The following RIF1 variants were observed in gnomAD, a reference collection of about 807,000 sequenced individuals.
RIF1 encodes the protein replication timing regulatory factor 1, also known as telomere-associated protein RIF1.
Under a neutral mutation model 247.1 loss-of-function variants are expected in RIF1, and 45 were observed. The ratio of observed to expected loss-of-function variants is 0.18; its 90% confidence interval spans 0.14 to 0.23. The LOEUF is 0.23. Among genes scored for constraint, RIF1 ranks in the 10% least tolerant of loss-of-function variants. The pLI, the probability that RIF1 is intolerant of heterozygous loss-of-function variation, is 1.00. For missense variants in RIF1, 2,967 were observed against 2,862.5 expected, an observed-to-expected ratio of 1.04 and a Z score of -0.83; for synonymous variants, 1,087 against 978.8, an observed-to-expected ratio of 1.11 and a Z score of -2.06.
chr2:151,510,243 T>A (rs2073067594), downstream of RIF1, among the ~76,000 whole-genome samples: 1 of 152,088 alleles, frequency 6.6e-6, no homozygotes, highest in Non-Finnish European at 1.5e-5. Flanking sequence ...CCTGGGGAGT[T>A]TTTTTTAGAC....
At chr2:151,530,195 T>A in the RIF1 span, among the ~76,000 whole-genome samples, 1 of 152,176 alleles carries the variant, frequency 6.6e-6, no homozygotes, top group Non-Finnish European at 1.5e-5. Flanking sequence ...TTCTGCCTTT[T>A]AAAAATATAT....
chr2:151,519,213 C>T, the RIF1 span: 1 of 663,102 alleles, frequency 1.5e-6, no homozygotes, highest in South Asian at 1.7e-5. Flanking sequence ...AGCCAGAAGG[C>T]AGAAACAACC....
At chr2:151,435,767 G>T (rs370169173) in intron 11 of RIF1, among the ~76,000 whole-genome samples, 187 bp downstream of exon 11, 4,765 of 140,346 alleles carry the variant, frequency 0.034, 158 homozygotes, top group East Asian at 0.19. Flanking sequence ...TCTGTTTTTT[G>T]TTTTTTTTTT....
At chr2:151,508,088 C>T, downstream of RIF1, 5 of 1,607,798 alleles carry the variant, frequency 3.1e-6, no homozygotes, top group Non-Finnish European at 4.2e-6. Context: ...ATGGACTTCT[C>T]AGCATCTTCC....
At position 151,469,843 on chromosome 2, in the gene RIF1, C is replaced by T. The variant is rs775625480; in HGVS notation, c.7074C>T (p.Leu2358=). The change falls in exon 34 of 36, where the codon CTC becomes CTT. Residue 2358 remains leucine, a synonymous_variant. Coordinates refer to ENST00000444746, the MANE Select transcript of RIF1 (RefSeq NM_018151.5). ...SPKVSNVKKA[L]RIYHEQQVKT... ...AAGTGTCCAATGTAAAAAAGGCTCT[C>T]AGAATATATCATGAGCAGCAGGTAA... 6.2e-7 allele frequency: 1 copy of T among 1,605,284 alleles called. No homozygotes were observed.
At chr2:151,428,143 C>G (rs1445231488) in intron 8 of RIF1, among the ~76,000 whole-genome samples, 1 of 152,156 alleles carries the variant, frequency 6.6e-6, no homozygotes, top group Non-Finnish European at 1.5e-5. Flanking sequence ...GCAGGAGAAT[C>G]ACTTGAACCC....
intron 11 of RIF1, chr2:151,501,402 T>A: frequency 6.5e-7 from 1 of 1,548,856 alleles, no homozygotes; most frequent in Non-Finnish European, 8.7e-7. Flanking sequence ...GAGCTAAAGT[T>A]TTCTTGATTG....
chr2:151,526,283 G>A, the RIF1 span: 2 of 1,526,530 alleles, frequency 1.3e-6, no homozygotes, highest in South Asian at 1.1e-5. Context: ...AGGAAAAGGG[G>A]CATTTCTTTA....
At chr2:151,482,630 G>C (rs938265506), downstream of RIF1, among the ~76,000 whole-genome samples, 13 of 152,092 alleles carry the variant, frequency 8.5e-5, no homozygotes, top group Non-Finnish European at 1.5e-4. Context: ...CAAGCATGTT[G>C]ATGGCAGCCG....
intron 9 of RIF1, among the ~76,000 whole-genome samples, chr2:151,431,192 A>G (rs1690062571): frequency 1.3e-5 from 2 of 152,186 alleles, no homozygotes; most frequent in African/African-American, 4.8e-5. Flanking sequence ...AGATGACTGT[A>G]TTTTTACTCT....
At chr2:151,414,772 A>ATTGATTTACAGT (rs1686906690) in intron 3 of RIF1, 51 bp from the exon 4 acceptor site, 9 of 1,309,794 alleles carry the variant, frequency 6.9e-6, no homozygotes, top group Non-Finnish European at 9.8e-6. Context: ...CTTTCTAAAA[A>ATTGATTTACAGT]TTGATTTACA....
intron 11 of RIF1, among the ~76,000 whole-genome samples, chr2:151,500,175 G>C (rs1345965499): frequency 6.6e-6 from 1 of 152,122 alleles, no homozygotes; most frequent in Non-Finnish European, 1.5e-5. Context: ...TTGAAGGATT[G>C]TTAGTGAATA....
At chr2:151,473,728 A>G (rs565368632) in intron 34 of RIF1, among the ~76,000 whole-genome samples, 1 of 152,314 alleles carries the variant, frequency 6.6e-6, no homozygotes, top group East Asian at 1.9e-4. Flanking sequence ...TGAGAAAACC[A>G]TTATGAAATA....
chr2:151,434,509 C>T (rs1444264163), intron 10 of RIF1, among the ~76,000 whole-genome samples: 7 of 139,942 alleles, frequency 5.0e-5, no homozygotes, highest in African/African-American at 1.3e-4. Context: ...GGCACGATCT[C>T]GGCTCACTGC....
intron 9 of RIF1, chr2:151,492,621 A>T (rs1051640138): frequency 5.5e-6 from 3 of 542,330 alleles, no homozygotes; most frequent in Admixed American, 3.6e-5. Flanking sequence ...GCCCAGTGAG[A>T]CACATGACCA....
intron 6 of RIF1, 42 bp from the exon 7 acceptor site, chr2:151,420,148 A>G (rs1687926977): frequency 6.4e-7 from 1 of 1,558,192 alleles, no homozygotes; most frequent in Non-Finnish European, 8.8e-7. Context: ...TAGACTTAAA[A>G]CATGAGGTCA....
At chr2:151,482,211 T>C (rs2049199224), downstream of RIF1, 1 of 152,256 alleles carries the variant, frequency 6.6e-6, no homozygotes, top group Non-Finnish European at 1.5e-5. Flanking sequence ...TTTGGTTTTT[T>C]GTTTTGTTGT....
chr2:151,439,385 C>A (rs1691826434), intron 14 of RIF1, among the ~76,000 whole-genome samples: 1 of 152,168 alleles, frequency 6.6e-6, no homozygotes, highest in Non-Finnish European at 1.5e-5. Context: ...ACCCTTCTAG[C>A]CGGGCGCGGT....
At chr2:151,450,173 A>C (rs972125371) in intron 20 of RIF1, among the ~76,000 whole-genome samples, 2 of 151,036 alleles carry the variant, frequency 1.3e-5, no homozygotes, top group Non-Finnish European at 3.0e-5. Context: ...TTTTAATAGC[A>C]CCAGGGAACT....
Sources: allele counts gnomAD v4.1 joint callset (sites outside exome capture counted in the v4.1 genomes callset), GRCh38; gene constraint gnomAD v4.1.1; transcripts MANE v1.5; gene names NCBI Gene and HGNC (gene_info 2026-07-23, HGNC 2026-07-21).